The following DHX29 variants were observed in gnomAD, a reference collection of about 807,000 sequenced individuals.
DHX29 encodes the protein ATP-dependent RNA helicase DHX29.
DHX29 carries 79 observed loss-of-function variants against 167.9 expected under a neutral mutation model. The observed-to-expected ratio is 0.47, with a 90% confidence interval of 0.39 to 0.57. The LOEUF is 0.57. Ranked by LOEUF, DHX29 falls within the 20% of genes least tolerant of loss-of-function variation. The probability of loss-of-function intolerance (pLI) is 0.00; values close to 1 mark genes in which losing one functional copy is unlikely to be tolerated. For missense variants in DHX29, 1,347 were observed against 1,593.4 expected (o/e 0.85, Z 2.63); for synonymous variants, 530 against 546.0 (o/e 0.97, Z 0.41).
rs1457690097 is a variant in DHX29 at position 55,289,261 on chromosome 5, T to G, written c.1066+9A>C. ...AAATTACACCCTGACCATCTTCCCT[T>G]AATTTTACCTTTCTCTTCTTCAGTA... On this transcript the variant is annotated intron_variant, in intron 8 of 26. Transcript: ENST00000251636. 6 of 1,545,480 alleles carry G rather than the reference T, an allele frequency of 3.9e-6. No individual in the cohort carries two copies. Among genetic ancestry groups the G allele is most frequent in the Non-Finnish European group, 5.2e-6 (6 of 1,154,342 alleles).
At chr5:55,275,220 T>C (rs1344012507) in intron 14 of DHX29, among the ~76,000 whole-genome samples, 1 of 152,188 alleles carries the variant, frequency 6.6e-6, no homozygotes, top group Non-Finnish European at 1.5e-5. Flanking sequence ...TTTAATGTCA[T>C]CCAGCCCTTA....
intron 6 of DHX29, among the ~76,000 whole-genome samples, chr5:55,291,040 T>C (rs760678305): frequency 1.3e-5 from 2 of 152,084 alleles, no homozygotes; most frequent in Non-Finnish European, 1.5e-5. Context: ...CATAAGTATG[T>C]GTATTTAAAG....
At position 55,273,346 on chromosome 5, in the gene DHX29, AAAG is replaced by A; in HGVS notation, c.2719_2721del (p.Leu907del). On this transcript the variant is annotated inframe_deletion, in exon 17 of 27. Coordinates refer to ENST00000251636, the MANE Select transcript of DHX29 (RefSeq NM_019030.4). Reference sequence around the variant, plus strand: ...AATGCTGCAGCTTGATCTTGGGTTGAAAGAATAGAATGCAGAGCTATCACTTTA... The same window carrying A: ...AATGCTGCAGCTTGATCTTGGGTTGAAATAGAATGCAGAGCTATCACTTTA... The A allele has an allele frequency of 6.3e-7, 1 of 1,592,718 alleles. No homozygotes were observed. Among genetic ancestry groups the A allele is most frequent in the Non-Finnish European group, 8.6e-7 (1 of 1,166,004 alleles).
chr5:55,287,769 CA>C (rs1467904167), intron 8 of DHX29, among the ~76,000 whole-genome samples: 1 of 151,244 alleles, frequency 6.6e-6, no homozygotes, highest in Non-Finnish European at 1.5e-5. Flanking sequence ...GCCAACATGG[CA>C]AAACCCCATC....
In DHX29 at chr5:55,256,552, G is replaced by GAAA; in HGVS notation, c.4058-15_4058-13dup. On this transcript the variant is annotated splice_polypyrimidine_tract_variant and intron_variant, in intron 26 of 26. Coordinates refer to ENST00000251636, the MANE Select transcript of DHX29 (RefSeq NM_019030.4). Reference sequence around the variant, plus strand: ...CAGAATCTTGTCATCTGAGTGGAAGGAAAAAAAAAAGCCACGAATAAATGC... The same window carrying GAAA: ...CAGAATCTTGTCATCTGAGTGGAAGGAAAAAAAAAAAAAGCCACGAATAAATGC... The GAAA allele has an allele frequency of 7.0e-7, 1 of 1,423,578 alleles. No individual in the cohort carries two copies. Among genetic ancestry groups the GAAA allele is most frequent in the Admixed American group, 2.2e-5 (1 of 45,098 alleles). 88.2% of individuals were successfully genotyped at this position (1,423,578 alleles called of 1,614,324 possible). A position where few individuals can be genotyped will look rare whatever the true frequency, so the allele number is the denominator to read the frequency against.
Position 55,285,707 on chromosome 5 carries a change from G to A in DHX29, c.1221C>T (p.Tyr407=). Residue 407 remains tyrosine, a synonymous_variant, in exon 9 of 27, where the codon TAC becomes TAT. Transcript: ENST00000251636. ...AACAAAAAACATACCTACATTTCCA[G>A]TATCTACCTACTGGAACTTTTTCAA... ...PSFEKVPVGR[Y]WKCRVRVIKS... is the part of the protein sequence containing the mutation. 6.4e-7 allele frequency: 1 copy of A among 1,567,700 alleles called. No individual in the cohort carries two copies. Among genetic ancestry groups the A allele is most frequent in the Non-Finnish European group, 8.7e-7 (1 of 1,154,198 alleles).
intron 24 of DHX29, 81 bp downstream of exon 24, chr5:55,262,549 C>A (rs1746358799): frequency 6.7e-7 from 1 of 1,496,224 alleles, no homozygotes; most frequent in Non-Finnish European, 9.0e-7. Context: ...AAATAAAATA[C>A]CTGTTAGGGC....
chr5:55,268,270 A>G (rs372060359), intron 21 of DHX29, among the ~76,000 whole-genome samples: 2 of 152,220 alleles, frequency 1.3e-5, no homozygotes, highest in African/African-American at 2.4e-5. Flanking sequence ...TTTGGACTAC[A>G]TAACAATCCA....
At chr5:55,284,798 A>AT (rs1456586423) in intron 10 of DHX29, among the ~76,000 whole-genome samples, 3 of 152,216 alleles carry the variant, frequency 2.0e-5, no homozygotes, top group African/African-American at 7.2e-5. Context: ...GCGAGACAAT[A>AT]TAACATTAAA....
At chr5:55,259,213 C>G (rs916517444) in intron 26 of DHX29, among the ~76,000 whole-genome samples, 1 of 152,016 alleles carries the variant, frequency 6.6e-6, no homozygotes, top group African/African-American at 2.4e-5. Context: ...ACAAAGTTTA[C>G]TATGCTCAGT....
At chr5:55,290,476 G>A in intron 6 of DHX29, 132 bp from the exon 7 acceptor site, 2 of 1,128,756 alleles carry the variant, frequency 1.8e-6, no homozygotes, top group Non-Finnish European at 2.4e-6. Flanking sequence ...CTACTTTTAG[G>A]AATTTTTCAT....
At chr5:55,270,812 T>C (rs1746818761) in intron 18 of DHX29, 106 bp from the exon 19 acceptor site, 1 of 797,342 alleles carries the variant, frequency 1.3e-6, no homozygotes, top group African/African-American at 1.7e-5. Context: ...GCTTAAAAAA[T>C]CCATTATTGT....
intron 3 of DHX29, among the ~76,000 whole-genome samples, chr5:55,296,702 G>C (rs1748340481): frequency 6.6e-6 from 1 of 152,064 alleles, no homozygotes. Flanking sequence ...ACTTTGAATA[G>C]TTACATAATA....
rs772230314 is a variant in DHX29 at position 55,283,807 on chromosome 5, A to G, written c.1361T>C (p.Val454Ala). Residue 454 changes from valine to alanine, a missense_variant, in exon 11 of 27, where the codon GTT becomes GCT. Physicochemically the swap from Val to Ala is moderately conservative, Grantham distance 64. Transcript: ENST00000251636. Reference protein sequence around the residue: ...ALYRLVKGQSVHQLLPPTYRD... With the variant: ...ALYRLVKGQSAHQLLPPTYRD... ...GTAAGTGGGAGGAAGTAACTGATGA[A>G]CTGACTAAAGGAAAAACAGAGGTAT... is the stretch of plus-strand genomic sequence containing the variant. 7.6e-6 allele frequency: 12 copies of G among 1,584,222 alleles called. No individual in the cohort carries two copies. Among genetic ancestry groups the G allele is most frequent in the Non-Finnish European group, 9.4e-6 (11 of 1,168,998 alleles).
intron 14 of DHX29, 77 bp from the exon 15 acceptor site, chr5:55,275,087 T>A: frequency 6.7e-7 from 1 of 1,495,732 alleles, no homozygotes; most frequent in Non-Finnish European, 9.1e-7. Context: ...AAAAAGGCGG[T>A]ATTTGCATTC....
intron 8 of DHX29, among the ~76,000 whole-genome samples, chr5:55,288,791 G>A (rs189320149): frequency 1.3e-5 from 2 of 152,124 alleles, no homozygotes; most frequent in Non-Finnish European, 2.9e-5. Flanking sequence ...GGCCAAGTAG[G>A]GGGTAGCAAG....
chr5:55,299,278 G>T (rs1748483681), intron 1 of DHX29, among the ~76,000 whole-genome samples: 1 of 152,028 alleles, frequency 6.6e-6, no homozygotes, highest in Admixed American at 6.6e-5. Context: ...CTTTTCTCCT[G>T]GCACTTAGCT....
At chr5:55,256,621 T>C in intron 26 of DHX29, 81 bp from the exon 27 acceptor site, 21 of 1,279,752 alleles carry the variant, frequency 1.6e-5, no homozygotes, top group Non-Finnish European at 2.1e-5. Flanking sequence ...AAATAAGAGG[T>C]ATATGTCACT....
chr5:55,297,907 CTTTT>C (rs1748402545), intron 2 of DHX29, among the ~76,000 whole-genome samples: 1 of 152,078 alleles, frequency 6.6e-6, no homozygotes, highest in African/African-American at 2.4e-5. Flanking sequence ...ATTTTCTGTT[CTTTT>C]GTTATTTTTG....
Sources: allele counts gnomAD v4.1 joint callset (sites outside exome capture counted in the v4.1 genomes callset), GRCh38; gene constraint gnomAD v4.1.1; transcripts MANE v1.5; gene names NCBI Gene and HGNC (gene_info 2026-07-23, HGNC 2026-07-21).